Variants in YEATS4 observed in about 807,000 individuals in gnomAD.
The protein encoded by YEATS4 is YEATS domain containing 4.
YEATS4 carries 17 observed loss-of-function variants against 30.1 expected under a neutral mutation model. That is an observed-to-expected ratio of 0.56 (90% CI 0.39 to 0.85). YEATS4 has a LOEUF of 0.85. YEATS4 is among the 40% of genes least tolerant of loss of function. The probability of loss-of-function intolerance (pLI) is 0.00; values close to 1 mark genes in which losing one functional copy is unlikely to be tolerated. For synonymous variants in YEATS4, 85 were observed against 87.5 expected (o/e 0.97, Z 0.16); for missense variants, 142 against 268.3 (o/e 0.53, Z 3.29).
the YEATS4 span, among the ~76,000 whole-genome samples, chr12:69,399,845 A>G: frequency 6.6e-6 from 1 of 152,258 alleles, no homozygotes; most frequent in South Asian, 2.1e-4. Flanking sequence ...AATGAATCTT[A>G]TAAACATGCC....
At chr12:69,426,614 G>A in the YEATS4 span, among the ~76,000 whole-genome samples, 10 of 152,008 alleles carry the variant, frequency 6.6e-5, no homozygotes, top group East Asian at 1.9e-4. Flanking sequence ...CAGGTGATCC[G>A]CCTGCCTCAG....
At chr12:69,399,209 G>A in the YEATS4 span, among the ~76,000 whole-genome samples, 3 of 150,582 alleles carry the variant, frequency 2.0e-5, no homozygotes, top group Non-Finnish European at 4.4e-5. Flanking sequence ...TCTAAAAAAA[G>A]TCAGAAAAAA....
chr12:69,366,012 ATGAGT>A, intron 4 of YEATS4, 128 bp downstream of exon 4: 1 of 659,720 alleles, frequency 1.5e-6, no homozygotes, highest in Non-Finnish European at 2.3e-6. Context: ...GTATCTTGCC[ATGAGT>A]TAAGTTTTTC....
the YEATS4 span, among the ~76,000 whole-genome samples, chr12:69,407,702 C>CTTTTTTTTTTTTTTTTTT: frequency 1.6e-5 from 1 of 62,620 alleles, no homozygotes; most frequent in Admixed American, 2.6e-4. Context: ...TACTTTTTGT[C>CTTTTTTTTTTTTTTTTTT]TTTTTTTTTT....
At chr12:69,395,720 T>C (rs758329791), downstream of YEATS4, among the ~76,000 whole-genome samples, 1 of 152,328 alleles carries the variant, frequency 6.6e-6, no homozygotes, top group South Asian at 2.1e-4. Flanking sequence ...TGATGAAGTA[T>C]CATGTGACAG....
intron 2 of YEATS4, 75 bp downstream of exon 2, chr12:69,362,982 GT>G (rs144560377): frequency 5.7e-6 from 2 of 353,272 alleles, no homozygotes; most frequent in Non-Finnish European, 7.8e-6. Flanking sequence ...ACAACCTGTA[GT>G]TTTTTTTTTT....
the YEATS4 span, among the ~76,000 whole-genome samples, chr12:69,400,431 CAT>C: frequency 0.042 from 6,292 of 148,968 alleles, 453 homozygotes; most frequent in East Asian, 0.3. Flanking sequence ...ATATGTATGC[CAT>C]ATATATATAT....
At position 69,359,803 on chromosome 12, in the gene YEATS4, C is replaced by T; in HGVS notation, c.-170C>T. 6.9e-6 allele frequency: 5 copies of T among 722,518 alleles called. No individual in the cohort carries two copies. The South Asian group carries it at 7.6e-5, about 11-fold the overall frequency. The allele number at this position is 722,518 out of a possible 1,614,324, so 44.8% of individuals were successfully genotyped here. A position where few individuals can be genotyped will look rare whatever the true frequency, so the allele number is the denominator to read the frequency against. On this transcript the variant is annotated 5_prime_UTR_variant, in exon 1 of 7. Coordinates refer to ENST00000247843, the MANE Select transcript of YEATS4 (RefSeq NM_006530.4). ...AATGGCCTTCAGGAGCACAGTCGGC[C>T]TGAGGAGTTGACGGTTACTCACCGC...
rs368171020 is a variant in YEATS4, at chr12:69,365,659, C to A, written c.198C>A (p.Ile66=). ...ATATGTCAGCATATGTGAAGAAAATCCAGTTTAAATTACATGAAAGCTATG... is the reference window on the plus strand; with the variant it reads ...ATATGTCAGCATATGTGAAGAAAATACAGTTTAAATTACATGAAAGCTATG... The part of the protein sequence containing the change: ...NEDMSAYVKK[I]QFKLHESYGN... Residue 66 remains isoleucine, a synonymous_variant, in exon 3 of 7, where the codon ATC becomes ATA. Coordinates refer to ENST00000247843, the MANE Select transcript of YEATS4 (RefSeq NM_006530.4). The A allele has an allele frequency of 6.2e-6, 10 of 1,611,050 alleles. No homozygotes were observed. The highest frequency in any genetic ancestry group is 1.7e-5 in the Admixed American group (1 of 59,906).
rs757830381 is a variant in YEATS4, at chr12:69,370,947, A to G, written c.486A>G (p.Thr162=). The change falls in exon 6 of 7, where the codon ACA becomes ACG. Residue 162 remains threonine (T), a synonymous_variant. Transcript: ENST00000247843. ...TATTGACAACATCTCGTCAGCTAACATTAGGAGCCTATAAGCATGAAACAG... is the reference window on the plus strand; with the variant it reads ...TATTGACAACATCTCGTCAGCTAACGTTAGGAGCCTATAAGCATGAAACAG... ...QQLLTTSRQL[T]LGAYKHETEF... 1.2e-6 allele frequency: 2 copies of G among 1,612,952 alleles called. No homozygotes were observed. The highest frequency in any genetic ancestry group is 2.2e-5 in the East Asian group (1 of 44,828).
intron 6 of YEATS4, among the ~76,000 whole-genome samples, chr12:69,378,352 T>G (rs1875947136): frequency 6.6e-6 from 1 of 152,138 alleles, no homozygotes; most frequent in African/African-American, 2.4e-5. Context: ...TTTAGTCCAT[T>G]TACATTCACT....
At chr12:69,381,096 CG>C (rs1876057450) in intron 6 of YEATS4, among the ~76,000 whole-genome samples, 1 of 152,092 alleles carries the variant, frequency 6.6e-6, no homozygotes, top group Non-Finnish European at 1.5e-5. Flanking sequence ...CCGGTCTGAC[CG>C]AAATTTATTA....
intron 6 of YEATS4, among the ~76,000 whole-genome samples, chr12:69,379,066 A>C (rs1875972626): frequency 6.6e-6 from 1 of 152,162 alleles, no homozygotes; most frequent in South Asian, 2.1e-4. Context: ...AGCACTTTAA[A>C]TGTCATGCCA....
chr12:69,368,293 TG>T (rs1875517280), intron 4 of YEATS4, among the ~76,000 whole-genome samples: 1 of 152,182 alleles, frequency 6.6e-6, no homozygotes, highest in African/African-American at 2.4e-5. Flanking sequence ...ATAAAAAGAA[TG>T]GTTGTTTCTA....
At chr12:69,386,498 T>A (rs1031774558) in intron 6 of YEATS4, among the ~76,000 whole-genome samples, 1 of 152,228 alleles carries the variant, frequency 6.6e-6, no homozygotes, top group African/African-American at 2.4e-5. Flanking sequence ...AAACTCACCC[T>A]TTCTACTTGA....
chr12:69,409,630 A>G, the YEATS4 span, among the ~76,000 whole-genome samples: 1 of 150,098 alleles, frequency 6.7e-6, no homozygotes, highest in African/African-American at 2.5e-5. Context: ...AAAAAAAAAG[A>G]TATATATATA....
At chr12:69,419,325 A>T in the YEATS4 span, among the ~76,000 whole-genome samples, 9 of 149,350 alleles carry the variant, frequency 6.0e-5, no homozygotes, top group Non-Finnish European at 1.3e-4. Flanking sequence ...GGCTCAAGAC[A>T]TCCTCTTTCC....
chr12:69,371,122 A>G, intron 6 of YEATS4, 147 bp downstream of exon 6: 1 of 717,034 alleles, frequency 1.4e-6, no homozygotes, highest in Non-Finnish European at 2.2e-6. Flanking sequence ...ACAGTGGAAC[A>G]TGTAAAAAGG....
the YEATS4 span, among the ~76,000 whole-genome samples, chr12:69,406,610 T>C: frequency 1.3e-5 from 2 of 152,196 alleles, no homozygotes; most frequent in Non-Finnish European, 2.9e-5. Context: ...TTTGTACTTA[T>C]TGTTCATCTG....
Sources: gnomAD v4.1 joint callset for allele counts (sites outside exome capture counted in the v4.1 genomes callset) on GRCh38, gnomAD v4.1.1 for gene constraint, MANE v1.5 for transcripts, NCBI Gene and HGNC (gene_info 2026-07-23, HGNC 2026-07-21) for gene names.